Variants in HSPA14 observed in about 807,000 individuals in gnomAD.
The protein encoded by HSPA14 is heat shock protein family A (Hsp70) member 14, also known as heat shock 70 kDa protein 14.
In HSPA14, 37 loss-of-function variants were observed where a neutral mutation model predicts 65.5. The observed-to-expected ratio is 0.56, with a 90% CI of 0.43 to 0.74. The LOEUF (loss-of-function observed/expected upper bound fraction) is 0.74, where lower values mean the gene tolerates loss of function less well. Ranked by LOEUF, HSPA14 falls within the 30% of genes least tolerant of loss-of-function variation. The pLI, the probability that HSPA14 is intolerant of heterozygous loss-of-function variation, is 0.00. For synonymous variants in HSPA14, 203 were observed against 214.2 expected (o/e 0.95, Z 0.46); for missense variants, 564 against 607.6 (o/e 0.93, Z 0.75).
At chr10:14,866,566 A>T (rs1013214980) in intron 10 of HSPA14, among the ~76,000 whole-genome samples, 1 of 152,258 alleles carries the variant, frequency 6.6e-6, no homozygotes, top group Non-Finnish European at 1.5e-5. Flanking sequence ...ATCAGATGGT[A>T]CCAGCCGCTT....
At chr10:14,853,498 G>A (rs1199280472) in intron 8 of HSPA14, among the ~76,000 whole-genome samples, 1 of 152,098 alleles carries the variant, frequency 6.6e-6, no homozygotes, top group East Asian at 1.9e-4. Context: ...GGAAAAGGGT[G>A]ATATCTACTC....
rs763402880 is a variant in HSPA14 at position 14,848,619 on chromosome 10, C to A, written c.232C>A (p.Pro78Thr). The A allele has an allele frequency of 4.3e-6, 7 of 1,610,426 alleles. No individual in the cohort carries two copies. The East Asian group carries it at 1.3e-4, about 31-fold the overall frequency. The change falls in exon 4 of 14, where the codon CCA (proline) becomes ACA (threonine). Residue 78 changes from proline (P) to threonine (T), a missense_variant. Physicochemically the swap from Pro to Thr is conservative, Grantham distance 38. Transcript: ENST00000378372. The part of the protein sequence containing the change: ...KQILGRSSSD[P>T]QAQKYIAESK... Reference sequence around the variant, plus strand: ...TTTCTTTATGGACAGCTCCAGTGATCCACAAGCTCAGAAATACATCGCGGA... The same window carrying A: ...TTTCTTTATGGACAGCTCCAGTGATACACAAGCTCAGAAATACATCGCGGA...
intron 1 of HSPA14, 144 bp from the exon 2 acceptor site, chr10:14,839,761 A>C (rs1833947289): frequency 2.1e-6 from 1 of 474,738 alleles, no homozygotes; most frequent in East Asian, 3.4e-5. Context: ...AAACGAGGAA[A>C]TTAAATGGTA....
At chr10:14,851,934 T>C (rs866718541) in intron 7 of HSPA14, among the ~76,000 whole-genome samples, 1 of 152,218 alleles carries the variant, frequency 6.6e-6, no homozygotes, top group Non-Finnish European at 1.5e-5. Context: ...TCTGAGAATA[T>C]CAAATTATGA....
At chr10:14,868,930 T>C (rs1042641176) in intron 12 of HSPA14, among the ~76,000 whole-genome samples, 6 of 152,154 alleles carry the variant, frequency 3.9e-5, no homozygotes, top group Admixed American at 3.9e-4. Context: ...CACTGCAAGC[T>C]CCGCCTCCCA....
chr10:14,852,766 A>G (rs1265481913), intron 8 of HSPA14, among the ~76,000 whole-genome samples: 3 of 152,148 alleles, frequency 2.0e-5, no homozygotes, highest in Admixed American at 6.5e-5. Context: ...GTGTAAAGAG[A>G]CCGTCAGATA....
chr10:14,843,972 C>T, intron 3 of HSPA14: 1 of 1,499,734 alleles, frequency 6.7e-7, no homozygotes. Flanking sequence ...TCCCTGGCTC[C>T]TTTTCTGTGT....
At chr10:14,864,774 GCAAT>G (rs1832790470) in intron 10 of HSPA14, among the ~76,000 whole-genome samples, 2 of 152,116 alleles carry the variant, frequency 1.3e-5, no homozygotes, top group Non-Finnish European at 2.9e-5. Flanking sequence ...GAATAGTACC[GCAAT>G]GAACATATGT....
chr10:14,864,378 A>G (rs1337144090), intron 10 of HSPA14, among the ~76,000 whole-genome samples: 2 of 151,110 alleles, frequency 1.3e-5, no homozygotes, highest in Non-Finnish European at 2.9e-5. Flanking sequence ...CATGTGCACA[A>G]TGTGCAGGTT....
rs548191501 is a variant in HSPA14 at position 14,843,000 on chromosome 10, AG to A, written c.221+2846del. Reference sequence around the variant, plus strand: ...TTTCAAAAACCTAATAGTAAGCTAAAGGGTTCCAGGTTTTCAAAAGCTATGC... The same window carrying A: ...TTTCAAAAACCTAATAGTAAGCTAAAGGTTCCAGGTTTTCAAAAGCTATGC... On this transcript the variant is annotated intron_variant, in intron 3 of 13. Transcript: ENST00000378372. This position sits in a 1 kb window ranked among gnomAD's most constrained non-coding sequence, Gnocchi z 5.2. 5.2e-4 allele frequency among the ~76,000 whole-genome samples: 79 copies of A among 152,328 alleles called. No homozygotes were observed. Among genetic ancestry groups the A allele is most frequent in the African/African-American group, 1.9e-3 (79 of 41,580 alleles).
intron 10 of HSPA14, 89 bp from the exon 11 acceptor site, chr10:14,866,994 C>A: frequency 2.3e-6 from 2 of 863,196 alleles, no homozygotes; most frequent in South Asian, 1.7e-5. Flanking sequence ...TCTTTACATA[C>A]GATGAAGATG....
At chr10:14,853,392 A>G (rs1405852332) in intron 8 of HSPA14, among the ~76,000 whole-genome samples, 1 of 152,204 alleles carries the variant, frequency 6.6e-6, no homozygotes, top group Non-Finnish European at 1.5e-5. Context: ...TTATGCCATT[A>G]AACAGTGATT....
chr10:14,850,205 G>A (rs1834097575), intron 6 of HSPA14, among the ~76,000 whole-genome samples: 1 of 151,604 alleles, frequency 6.6e-6, no homozygotes, highest in South Asian at 2.1e-4. Context: ...CCAGGAAGTG[G>A]AGGTTGCAGT....
rs912361585 is a variant in HSPA14, at chr10:14,839,902, T to C, written c.58-3T>C. On this transcript the variant is annotated splice_polypyrimidine_tract_variant and splice_region_variant and intron_variant, in intron 1 of 13. Coordinates refer to ENST00000378372, the MANE Select transcript of HSPA14 (RefSeq NM_016299.4). ...ACTATGTATTTCGTGTTTTTTTCTC[T>C]AGGATGGCCGGGCTGGTGTGGTTGC... is the stretch of plus-strand genomic sequence containing the variant. 26 of 1,611,528 alleles carry C rather than the reference T, an allele frequency of 1.6e-5. No individual in the cohort carries two copies. Among genetic ancestry groups the C allele is most frequent in the Admixed American group, 5.0e-5 (3 of 59,968 alleles).
chr10:14,870,798 A>G, intron 13 of HSPA14, 131 bp downstream of exon 13: 2 of 866,092 alleles, frequency 2.3e-6, no homozygotes, highest in East Asian at 3.2e-5. Flanking sequence ...TTATCAGTGA[A>G]TTACATTTTT....
chr10:14,866,961 T>C, intron 10 of HSPA14, 122 bp from the exon 11 acceptor site: 1 of 641,346 alleles, frequency 1.6e-6, no homozygotes, highest in Admixed American at 2.6e-5. Flanking sequence ...CATGTTAATA[T>C]ATAGGGCTTT....
chr10:14,858,708 A>G (rs1316773575), intron 10 of HSPA14, among the ~76,000 whole-genome samples: 2 of 152,192 alleles, frequency 1.3e-5, no homozygotes, highest in Admixed American at 6.5e-5. Context: ...GGGATGGGTA[A>G]TCCTCTTACG....
chr10:14,845,991 T>G (rs937705674), intron 3 of HSPA14: 12 of 933,460 alleles, frequency 1.3e-5, no homozygotes, highest in Admixed American at 6.2e-5. Flanking sequence ...GAAATTTTAA[T>G]TGTAATATTT....
At chr10:14,838,797 C>CG (rs1833928534) in intron 1 of HSPA14, among the ~76,000 whole-genome samples, 1 of 151,840 alleles carries the variant, frequency 6.6e-6, no homozygotes, top group Non-Finnish European at 1.5e-5. Flanking sequence ...CTGGGTGTCC[C>CG]GGGGGGTCCC....
Sources: gnomAD v4.1 joint callset for allele counts (sites outside exome capture counted in the v4.1 genomes callset) on GRCh38, gnomAD v4.1.1 for gene constraint, Gnocchi (gnomAD v3.1) non-coding constraint, MANE v1.5 for transcripts, NCBI Gene and HGNC (gene_info 2026-07-23, HGNC 2026-07-21) for gene names.